The following ZC3H12D variants were observed in gnomAD, a reference collection of about 807,000 sequenced individuals.
The protein encoded by ZC3H12D is probable ribonuclease ZC3H12D.
ZC3H12D carries 11 observed loss-of-function variants against 24.2 expected under a neutral mutation model. The observed-to-expected ratio is 0.46, with a 90% CI of 0.29 to 0.75. ZC3H12D has a LOEUF of 0.75. Ranked by LOEUF, ZC3H12D falls within the 30% of genes least tolerant of loss-of-function variation. The probability of loss-of-function intolerance (pLI) is 0.11; values close to 1 mark genes in which losing one functional copy is unlikely to be tolerated. For missense variants in ZC3H12D, 740 were observed against 767.7 expected, an observed-to-expected ratio of 0.96 and a Z score of 0.43; for synonymous variants, 333 against 341.8, an observed-to-expected ratio of 0.97 and a Z score of 0.28.
intron 1 of ZC3H12D, among the ~76,000 whole-genome samples, chr6:149,479,830 G>T (rs1176767804): frequency 6.6e-6 from 1 of 152,132 alleles, no homozygotes; most frequent in African/African-American, 2.4e-5. Flanking sequence ...ATGCCACCAT[G>T]CCCTAATAGA....
At chr6:149,457,003 G>A in intron 3 of ZC3H12D, 103 bp from the exon 4 acceptor site, 4 of 1,133,222 alleles carry the variant, frequency 3.5e-6, no homozygotes, top group African/African-American at 1.5e-5. Context: ...GTCAGATGAG[G>A]TTTTGAGGGG....
chr6:149,458,635 T>A (rs891590469), intron 3 of ZC3H12D, among the ~76,000 whole-genome samples: 3 of 152,010 alleles, frequency 2.0e-5, no homozygotes, highest in Admixed American at 6.6e-5. Context: ...TCTCCAAGAG[T>A]GAATATGGCT....
intron 2 of ZC3H12D, among the ~76,000 whole-genome samples, chr6:149,463,193 G>A (rs563234469): frequency 1.3e-5 from 2 of 152,306 alleles, no homozygotes; most frequent in African/African-American, 2.4e-5. Context: ...AGAGATGGTT[G>A]TAAATGTGTT....
In ZC3H12D at chr6:149,456,991, C is replaced by T. The variant is rs1775995367; in HGVS notation, c.446-91G>A. On this transcript the variant is annotated intron_variant, in intron 3 of 5. Coordinates refer to ENST00000409806, the MANE Select transcript of ZC3H12D (RefSeq NM_207360.3). This position sits in a 1 kb window ranked among gnomAD's most constrained non-coding sequence, Gnocchi z 4.3. The stretch of plus-strand genomic sequence containing the variant: ...ACGCGAGGCCACCCGCTTCCCGGGC[C>T]GGTCAGATGAGGTTTTGAGGGGAGC... 1.4e-5 allele frequency: 19 copies of T among 1,311,346 alleles called. No individual in the cohort carries two copies. Among genetic ancestry groups the T allele is most frequent in the Non-Finnish European group, 1.7e-5 (16 of 955,278 alleles). 81.2% of individuals were successfully genotyped at this position (1,311,346 alleles called of 1,614,324 possible).
At chr6:149,472,271 G>C (rs1398848684) in intron 2 of ZC3H12D, among the ~76,000 whole-genome samples, 1 of 152,182 alleles carries the variant, frequency 6.6e-6, no homozygotes, top group East Asian at 1.9e-4. Context: ...TCAGGTGGCG[G>C]TTGTGCTATT....
chr6:149,449,921 TAGAC>T lies in ZC3H12D; in HGVS notation c.*758_*761del, dbSNP rs1775857158. 3 of 66,134 alleles carry T rather than the reference TAGAC, an allele frequency of 4.5e-5. No individual in the cohort carries two copies. The highest frequency in any genetic ancestry group is 1.1e-3 in the South Asian group (2 of 1,808). 4.1% of individuals were successfully genotyped at this position (66,134 alleles called of 1,614,324 possible). ...TGTGTGTGAGTATGTACATGTATGA[TAGAC>T]TGTGTGTGTGTGTGTGTGTGTGTGT... On this transcript the variant is annotated 3_prime_UTR_variant, in exon 6 of 6. Coordinates refer to ENST00000409806, the MANE Select transcript of ZC3H12D (RefSeq NM_207360.3).
At chr6:149,457,465 T>C (rs964360313) in intron 3 of ZC3H12D, among the ~76,000 whole-genome samples, 7 of 152,104 alleles carry the variant, frequency 4.6e-5, no homozygotes, top group African/African-American at 1.4e-4. Context: ...CTCAAGAACA[T>C]CATAGAAAGC....
chr6:149,461,761 C>T (rs1218353371), intron 3 of ZC3H12D, 70 bp downstream of exon 3: 32 of 1,447,986 alleles, frequency 2.2e-5, no homozygotes, highest in Non-Finnish European at 3.0e-5. Context: ...AGATATTTGA[C>T]TATCGATGTT....
chr6:149,466,139 C>T (rs1423689303), intron 2 of ZC3H12D, among the ~76,000 whole-genome samples: 1 of 152,068 alleles, frequency 6.6e-6, no homozygotes, highest in East Asian at 1.9e-4. Context: ...CACTTTAAGC[C>T]AGCATGGCTC....
chr6:149,450,422 T>C lies in ZC3H12D; in HGVS notation c.*261A>G. On this transcript the variant is annotated 3_prime_UTR_variant, in exon 6 of 6. Transcript: ENST00000409806. ...GTTCTACTGCAGCTTGGACCCGCAG[T>C]CTCCGTGCACATGGAAAATCATTCC... The C allele has an allele frequency of 2.1e-6, 1 of 467,504 alleles. No individual in the cohort carries two copies. Among genetic ancestry groups the C allele is most frequent in the Non-Finnish European group, 3.8e-6 (1 of 264,272 alleles). 29.0% of individuals were successfully genotyped at this position (467,504 alleles called of 1,614,324 possible).
rs147931560 is a variant in ZC3H12D at position 149,455,346 on chromosome 6, C to T, written c.680+1320G>A. 1.6e-3 allele frequency among the ~76,000 whole-genome samples: 236 copies of T among 152,224 alleles called. 1 individual carries two copies. The highest frequency in any genetic ancestry group is 4.5e-3 in the African/African-American group (188 of 41,548). ...TGTGGGCCAGGCGTGCTGGAGACAC[C>T]GCACGTAAGACAGATACAGTCCCGG... On this transcript the variant is annotated intron_variant, in intron 4 of 5. Coordinates refer to ENST00000409806, the MANE Select transcript of ZC3H12D (RefSeq NM_207360.3).
chr6:149,472,745 C>T (rs1776265334), intron 2 of ZC3H12D, among the ~76,000 whole-genome samples: 5 of 152,126 alleles, frequency 3.3e-5, no homozygotes, highest in African/African-American at 1.2e-4. Flanking sequence ...TACCCTACAG[C>T]CACTCTGCTG....
At chr6:149,477,784 C>T (rs1374273033) in intron 1 of ZC3H12D, among the ~76,000 whole-genome samples, 1 of 152,206 alleles carries the variant, frequency 6.6e-6, no homozygotes, top group African/African-American at 2.4e-5. Flanking sequence ...ACACAACAGA[C>T]ATGTGCTAAG....
intron 3 of ZC3H12D, 116 bp downstream of exon 3, chr6:149,461,715 T>G (rs1369598509): frequency 3.4e-6 from 4 of 1,188,110 alleles, no homozygotes; most frequent in Non-Finnish European, 3.5e-6. Context: ...TATAGCGCAG[T>G]GAGGAAGACA....
At position 149,456,741 on chromosome 6, in the gene ZC3H12D, T is replaced by C. The variant is rs1006035078; in HGVS notation, c.605A>G (p.Asp202Gly). ...CCACTCGGGGTTCTCGCTCTGCAGGTCCCGGTAGTTGTCGTTGGAGACGAT... is the reference window on the plus strand; with the variant it reads ...CCACTCGGGGTTCTCGCTCTGCAGGCCCCGGTAGTTGTCGTTGGAGACGAT... The part of the protein sequence containing the change: ...GVIVSNDNYR[D>G]LQSENPEWKW... The change falls in exon 4 of 6, where the codon GAC becomes GGC. Residue 202 changes from aspartate to glycine, a missense_variant. By Grantham distance (94) the Asp-to-Gly change is moderately conservative (BLOSUM62 -1). Coordinates refer to ENST00000409806, the MANE Select transcript of ZC3H12D (RefSeq NM_207360.3). This position sits in a 1 kb window ranked among gnomAD's most constrained non-coding sequence, Gnocchi z 4.3. 1.2e-6 allele frequency: 2 copies of C among 1,613,740 alleles called. No homozygotes were observed. Among genetic ancestry groups the C allele is most frequent in the Non-Finnish European group, 1.7e-6 (2 of 1,179,776 alleles).
intron 1 of ZC3H12D, among the ~76,000 whole-genome samples, chr6:149,481,914 C>T (rs1211106024): frequency 6.6e-6 from 1 of 152,256 alleles, no homozygotes; most frequent in Admixed American, 6.5e-5. Context: ...TACCAAGGAA[C>T]GGCTCTGAGG....
At chr6:149,480,047 C>T (rs1227030317) in intron 1 of ZC3H12D, among the ~76,000 whole-genome samples, 2 of 152,142 alleles carry the variant, frequency 1.3e-5, no homozygotes, top group Non-Finnish European at 2.9e-5. Flanking sequence ...CCCTCCCCTT[C>T]GCACTCACAC....
Position 149,450,815 on chromosome 6 carries a change from C to T in ZC3H12D, c.1452G>A (p.Ala484=). The T allele has an allele frequency of 1.9e-6, 3 of 1,547,836 alleles. No homozygotes were observed. The highest frequency in any genetic ancestry group is 1.4e-5 in the African/African-American group (1 of 73,164). ...EGDARARARI[A]LYSVFPRDQV... is the part of the protein sequence containing the mutation. ...GGTCACGCGGGAAGACGCTGTAGAG[C>T]GCGATGCGAGCCCGGGCGCGCGCGT... Residue 484 remains alanine (A), a synonymous_variant, in exon 6 of 6, where the codon GCG becomes GCA. Coordinates refer to ENST00000409806, the MANE Select transcript of ZC3H12D (RefSeq NM_207360.3).
At position 149,450,532 on chromosome 6, in the gene ZC3H12D, C is replaced by A; in HGVS notation, c.*151G>T. 3.5e-6 allele frequency: 3 copies of A among 860,284 alleles called. No individual in the cohort carries two copies. The Middle Eastern group carries it at 1.1e-3, about 310-fold the overall frequency. The allele number at this position is 860,284 out of a possible 1,614,324, so 53.3% of individuals were successfully genotyped here. A position where few individuals can be genotyped will look rare whatever the true frequency, so the allele number is the denominator to read the frequency against. ...GTGCCACCAGGCCCCCACAACCCCG[C>A]TCAGGAGGAGGAAGCAGGCTTCCCT... is the stretch of plus-strand genomic sequence containing the variant. On this transcript the variant is annotated 3_prime_UTR_variant, in exon 6 of 6. Transcript: ENST00000409806.
Sources: allele counts gnomAD v4.1 joint callset (sites outside exome capture counted in the v4.1 genomes callset), GRCh38; gene constraint gnomAD v4.1.1; non-coding constraint Gnocchi (gnomAD v3.1); transcripts MANE v1.5; gene names NCBI Gene and HGNC (gene_info 2026-07-23, HGNC 2026-07-21).